KSR2: variants seen among roughly 807,000 people sequenced by gnomAD.
KSR2 encodes kinase suppressor of ras 2.
Under a neutral mutation model 107.8 loss-of-function variants are expected in KSR2, and 25 were observed. The ratio of observed to expected loss-of-function variants is 0.23; its 90% CI spans 0.17 to 0.32. KSR2 has a LOEUF of 0.32. Among genes scored for constraint, KSR2 ranks in the 10% least tolerant of loss-of-function variants. The pLI is 1.00. For synonymous variants in KSR2, 480 were observed against 507.0 expected (o/e 0.95, Z 0.71); for missense variants, 887 against 1,268.9 (o/e 0.70, Z 4.57).
At chr12:117,645,085 A>G (rs1184838795) in intron 5 of KSR2, among the ~76,000 whole-genome samples, 1 of 152,196 alleles carries the variant, frequency 6.6e-6, no homozygotes, top group Non-Finnish European at 1.5e-5. Flanking sequence ...ATCTAATCAG[A>G]GCTAATACTG....
At chr12:117,940,814 A>C (rs1020404888) in intron 1 of KSR2, among the ~76,000 whole-genome samples, 2 of 152,168 alleles carry the variant, frequency 1.3e-5, no homozygotes, top group Non-Finnish European at 2.9e-5. Flanking sequence ...AGCCAGGCGC[A>C]GTGGCTCACA....
intron 5 of KSR2, among the ~76,000 whole-genome samples, chr12:117,637,237 T>C (rs1293869872): frequency 6.6e-6 from 1 of 152,210 alleles, no homozygotes; most frequent in Admixed American, 6.5e-5. Flanking sequence ...TTATACATCA[T>C]TTGTTCCAGT....
chr12:117,769,398 A>G (rs1889356918), intron 3 of KSR2, among the ~76,000 whole-genome samples: 1 of 152,192 alleles, frequency 6.6e-6, no homozygotes, highest in Non-Finnish European at 1.5e-5. Flanking sequence ...ACTCCCCCAG[A>G]AAGGAAGATA....
At chr12:117,669,494 A>G (rs1215480842) in intron 4 of KSR2, among the ~76,000 whole-genome samples, 1 of 152,152 alleles carries the variant, frequency 6.6e-6, no homozygotes, top group Non-Finnish European at 1.5e-5. Flanking sequence ...AGAATGAAAA[A>G]TAATAATAAT....
In KSR2 at chr12:117,968,311, G is replaced by GGA. The variant is rs1555262354; in HGVS notation, c.-57_-56insTC. 2 of 1,456,256 alleles carry GGA rather than the reference G, an allele frequency of 1.4e-6. No individual in the cohort carries two copies. Among genetic ancestry groups the GGA allele is most frequent in the African/African-American group, 1.4e-5 (1 of 69,296 alleles). 90.2% of individuals were successfully genotyped at this position (1,456,256 alleles called of 1,614,324 possible). ...CTCCTCCCAGAGAGAAAAAAGAGGG[G>GGA]GGGGAGTAGAGGTAGTCTACCCTCC... On this transcript the variant is annotated 5_prime_UTR_variant, in exon 1 of 20. Coordinates refer to ENST00000339824, the MANE Select transcript of KSR2 (RefSeq NM_173598.6).
chr12:117,747,107 A>G (rs971376380), intron 4 of KSR2, among the ~76,000 whole-genome samples: 4 of 152,236 alleles, frequency 2.6e-5, no homozygotes, highest in Non-Finnish European at 5.9e-5. Context: ...ATTATACATC[A>G]TTCTACTATA....
intron 1 of KSR2, among the ~76,000 whole-genome samples, chr12:117,958,086 G>C (rs1221025270): frequency 6.6e-6 from 1 of 152,046 alleles, no homozygotes; most frequent in Admixed American, 6.6e-5. Flanking sequence ...GCCTGCCTTG[G>C]CCCCCCAAAG....
At chr12:117,918,317 C>T (rs914658848) in intron 1 of KSR2, among the ~76,000 whole-genome samples, 54 of 152,332 alleles carry the variant, frequency 3.5e-4, no homozygotes, top group African/African-American at 1.3e-3. Context: ...CTCAAGAACA[C>T]TAGCTCCCAC....
chr12:117,959,457 T>C (rs1208392748), intron 1 of KSR2, among the ~76,000 whole-genome samples: 1 of 152,122 alleles, frequency 6.6e-6, no homozygotes, highest in Non-Finnish European at 1.5e-5. Flanking sequence ...ACCTGCCCCA[T>C]CCACCCCACA....
chr12:117,731,881 A>G (rs1006349107), intron 4 of KSR2, among the ~76,000 whole-genome samples: 1 of 142,994 alleles, frequency 7.0e-6, no homozygotes, highest in Non-Finnish European at 1.6e-5. Context: ...TCAAGTACCC[A>G]GGGACACAAA....
chr12:117,600,083 G>A (rs7316577), intron 5 of KSR2, among the ~76,000 whole-genome samples: 1,842 of 152,292 alleles, frequency 0.012, 37 homozygotes, highest in African/African-American at 0.043. Flanking sequence ...ACTCCCAGCT[G>A]TAGTGACTCA....
intron 16 of KSR2, among the ~76,000 whole-genome samples, chr12:117,477,108 G>A (rs977807061): frequency 6.6e-6 from 1 of 152,132 alleles, no homozygotes; most frequent in African/African-American, 2.4e-5. Context: ...CCAGAGTTGG[G>A]ATTCAAATCT....
At chr12:117,558,429 A>T in intron 8 of KSR2, 77 bp downstream of exon 8, 1 of 1,143,296 alleles carries the variant, frequency 8.7e-7, no homozygotes, top group Non-Finnish European at 1.3e-6. Context: ...AACCAACCTG[A>T]TGGGACAGCT....
At chr12:117,527,310 C>G (rs1022428711) in intron 12 of KSR2, among the ~76,000 whole-genome samples, 191 bp from the exon 13 acceptor site, 11 of 136,082 alleles carry the variant, frequency 8.1e-5, no homozygotes, top group African/African-American at 2.9e-4. Context: ...CAGACACACA[C>G]ACACACACAC....
chr12:117,953,261 A>G (rs1896417326), intron 1 of KSR2, among the ~76,000 whole-genome samples: 1 of 152,228 alleles, frequency 6.6e-6, no homozygotes, highest in African/African-American at 2.4e-5. Context: ...TGTGGCAAAC[A>G]TTATGGTGGT....
At chr12:117,884,604 T>C (rs116746103) in intron 1 of KSR2, among the ~76,000 whole-genome samples, 21 of 152,334 alleles carry the variant, frequency 1.4e-4, no homozygotes, top group African/African-American at 4.1e-4. Context: ...AACACTGCCT[T>C]GAGACCAAAG....
rs185836819 is a variant in KSR2, at chr12:117,682,661, C to T, written c.987-15003G>A. Among the ~76,000 whole-genome samples, 905 of 152,130 alleles carry T rather than the reference C, an allele frequency of 5.9e-3. 34 individuals are homozygous for T. The highest frequency in any genetic ancestry group is 0.055 in the Admixed American group (841 of 15,276). Reference sequence around the variant, plus strand: ...CTCAAACTCCCGACCTCGGCTGACCCGCTGCCTCAGCCTCCCAAAGTGCTG... The same window carrying T: ...CTCAAACTCCCGACCTCGGCTGACCTGCTGCCTCAGCCTCCCAAAGTGCTG... On this transcript the variant is annotated intron_variant, in intron 4 of 19. Coordinates refer to ENST00000339824, the MANE Select transcript of KSR2 (RefSeq NM_173598.6).
At chr12:117,559,970 G>C (rs987411375) in intron 7 of KSR2, among the ~76,000 whole-genome samples, 4 of 152,176 alleles carry the variant, frequency 2.6e-5, no homozygotes, top group Non-Finnish European at 4.4e-5. Flanking sequence ...TATTAAAATA[G>C]ACGTATACAT....
Position 117,527,126 on chromosome 12 carries a change from A to T in KSR2, c.1803-7T>A. The T allele has an allele frequency of 2.5e-6, 4 of 1,611,258 alleles. No individual in the cohort carries two copies. Among genetic ancestry groups the T allele is most frequent in the Non-Finnish European group, 3.4e-6 (4 of 1,177,498 alleles). Reference sequence around the variant, plus strand: ...TAATGGATTTCCTTCCAAGCTGTAAAGAAAGAAAAATAAACGTGATCCCTA... The same window carrying T: ...TAATGGATTTCCTTCCAAGCTGTAATGAAAGAAAAATAAACGTGATCCCTA... On this transcript the variant is annotated splice_polypyrimidine_tract_variant and splice_region_variant and intron_variant, in intron 12 of 19. Transcript: ENST00000339824.
Sources: allele counts gnomAD v4.1 joint callset (sites outside exome capture counted in the v4.1 genomes callset), GRCh38; gene constraint gnomAD v4.1.1; transcripts MANE v1.5; gene names NCBI Gene and HGNC (gene_info 2026-07-23, HGNC 2026-07-21).